The following CCDC171 variants were observed in gnomAD, a reference collection of about 807,000 sequenced individuals.
The protein encoded by CCDC171 is coiled-coil domain-containing protein 171.
In CCDC171, 177 loss-of-function variants were observed where a neutral mutation model predicts 168.2. The observed-to-expected ratio is 1.05, with a 90% CI of 0.93 to 1.19. The LOEUF is 1.19. Among genes scored for constraint, CCDC171 ranks in the 50% most tolerant of loss-of-function variants. The pLI, the probability that CCDC171 is intolerant of heterozygous loss-of-function variation, is 0.00. For synonymous variants in CCDC171, 687 were observed against 540.8 expected, an observed-to-expected ratio of 1.27 and a Z score of -3.75; for missense variants, 1,991 against 1,539.0, an observed-to-expected ratio of 1.29 and a Z score of -4.91.
At chr9:15,722,041 T>G (rs527273030) in intron 12 of CCDC171, among the ~76,000 whole-genome samples, 166 bp downstream of exon 12, 1 of 152,348 alleles carries the variant, frequency 6.6e-6, no homozygotes, top group East Asian at 1.9e-4. Context: ...AAGTGTGGCC[T>G]AAAGTCATGT....
chr9:15,797,169 C>A (rs149953589), intron 21 of CCDC171, among the ~76,000 whole-genome samples: 52 of 152,210 alleles, frequency 3.4e-4, no homozygotes, highest in African/African-American at 1.2e-3. Flanking sequence ...CTTAGTCATT[C>A]ATATATGTTC....
In CCDC171 at chr9:15,985,839, G is replaced by A. The variant is rs186896067; in HGVS notation, n.369-34750G>A. On this transcript the variant is annotated intron_variant and non_coding_transcript_variant, in intron 3 of 9. Coordinates refer to the CCDC171 transcript ENST00000486641. ...TTTGACAGACCCACCTGGAGCTTTG[G>A]AATTACTTGATACCATTCACCAAGA... is the stretch of plus-strand genomic sequence containing the variant. 4.4e-4 allele frequency among the ~76,000 whole-genome samples: 67 copies of A among 152,294 alleles called. No individual in the cohort carries two copies. The Middle Eastern group carries it at 0.01, about 23-fold the overall frequency.
chr9:15,913,683 T>C (rs1824052339), intron 24 of CCDC171, among the ~76,000 whole-genome samples: 1 of 152,194 alleles, frequency 6.6e-6, no homozygotes, highest in Non-Finnish European at 1.5e-5. Flanking sequence ...TTTTGTTTCC[T>C]TGCTGGCGAG....
intron 21 of CCDC171, among the ~76,000 whole-genome samples, chr9:15,795,422 A>G (rs2058501269): frequency 6.6e-6 from 1 of 152,182 alleles, no homozygotes. Flanking sequence ...CATTCAAACC[A>G]TAGCAAGTGG....
At chr9:15,874,752 T>C in intron 24 of CCDC171, 89 bp downstream of exon 24, 2 of 1,269,130 alleles carry the variant, frequency 1.6e-6, no homozygotes, top group Non-Finnish European at 2.1e-6. Flanking sequence ...CAAAGTATTG[T>C]GAATAATTTA....
chr9:15,829,196 A>T (rs1052743176), intron 21 of CCDC171, among the ~76,000 whole-genome samples: 2 of 152,224 alleles, frequency 1.3e-5, no homozygotes, highest in Non-Finnish European at 2.9e-5. Flanking sequence ...CTCAGGTAGT[A>T]AATGTTATAG....
chr9:15,944,840 C>A (rs200442166), intron 25 of CCDC171, among the ~76,000 whole-genome samples: 11 of 143,224 alleles, frequency 7.7e-5, no homozygotes, highest in African/African-American at 2.7e-4. Context: ...TTTCTTTTTT[C>A]TTTCTTTCTT....
chr9:15,976,199 C>G (rs1248345689), downstream of CCDC171, among the ~76,000 whole-genome samples: 1 of 151,998 alleles, frequency 6.6e-6, no homozygotes, highest in African/African-American at 2.4e-5. Flanking sequence ...GTCACAGCCA[C>G]CGAAGGAAAC....
At chr9:15,780,920 A>G (rs1173066141) in intron 20 of CCDC171, among the ~76,000 whole-genome samples, 4 of 152,160 alleles carry the variant, frequency 2.6e-5, no homozygotes, top group African/African-American at 9.7e-5. Context: ...TACTTTTAAA[A>G]ACGAATTCTT....
intron 6 of CCDC171, among the ~76,000 whole-genome samples, chr9:16,029,325 G>C (rs1833328992): frequency 6.8e-6 from 1 of 146,134 alleles, no homozygotes; most frequent in Non-Finnish European, 1.5e-5. Flanking sequence ...AGATGATTCA[G>C]ACATCTGTGA....
chr9:15,679,811 A>C (rs1417012719), intron 10 of CCDC171, among the ~76,000 whole-genome samples: 1 of 152,192 alleles, frequency 6.6e-6, no homozygotes, highest in Non-Finnish European at 1.5e-5. Flanking sequence ...GGCCTCCCAA[A>C]GTGCTGGGAT....
chr9:15,877,159 C>T (rs1817951923), intron 24 of CCDC171, among the ~76,000 whole-genome samples: 1 of 145,770 alleles, frequency 6.9e-6, no homozygotes, highest in Non-Finnish European at 1.5e-5. Flanking sequence ...TGCTAGCTTT[C>T]CCCTCCAACT....
intron 25 of CCDC171, among the ~76,000 whole-genome samples, chr9:15,965,821 C>G (rs931901424): frequency 5.3e-5 from 8 of 152,196 alleles, no homozygotes; most frequent in African/African-American, 1.9e-4. Flanking sequence ...TGTCAAGGAT[C>G]ACATAATTAG....
intron 1 of CCDC171, among the ~76,000 whole-genome samples, chr9:15,560,514 C>G (rs1435500788): frequency 6.6e-6 from 1 of 152,104 alleles, no homozygotes; most frequent in Non-Finnish European, 1.5e-5. Context: ...TCCACTTGAT[C>G]AAATCGGCTA....
chr9:15,848,813 A>G (rs2061006838), intron 22 of CCDC171, 80 bp from the exon 23 acceptor site: 4 of 693,474 alleles, frequency 5.8e-6, no homozygotes. Flanking sequence ...ATTTTTTAAT[A>G]CCAGTGACTT....
intron 1 of CCDC171, among the ~76,000 whole-genome samples, chr9:16,044,477 C>T (rs1247440025): frequency 8.3e-6 from 1 of 120,698 alleles, no homozygotes; most frequent in Non-Finnish European, 1.8e-5. Flanking sequence ...TGAAAAACCA[C>T]AGGAGAAAAA....
intron 7 of CCDC171, among the ~76,000 whole-genome samples, chr9:15,652,202 T>G (rs1289924352): frequency 2.0e-5 from 3 of 152,222 alleles, no homozygotes; most frequent in African/African-American, 4.8e-5. Context: ...CATTTAGAAT[T>G]TATTTTTTTA....
chr9:15,578,902 A>G lies in CCDC171; in HGVS notation c.231A>G (p.Gly77=), dbSNP rs1337447797. The G allele has an allele frequency of 3.1e-6, 5 of 1,613,824 alleles. No individual in the cohort carries two copies. The highest frequency in any genetic ancestry group is 2.7e-5 in the African/African-American group (2 of 74,908). The change falls in exon 4 of 26, where the codon GGA becomes GGG. Residue 77 remains glycine, a synonymous_variant. Coordinates refer to ENST00000380701, the MANE Select transcript of CCDC171 (RefSeq NM_173550.4). The part of the protein sequence containing the change: ...IAKLRSEVEK[G]EALRQSLEYD... ...AGCTACGGTCCGAGGTTGAAAAGGG[A>G]GAAGCATTGCGACAAAGTCTGGAAT...
At chr9:15,723,328 C>T (rs1358207734) in intron 12 of CCDC171, among the ~76,000 whole-genome samples, 2 of 152,006 alleles carry the variant, frequency 1.3e-5, no homozygotes, top group African/African-American at 4.8e-5. Flanking sequence ...TATAGATGCC[C>T]CTGCTTCTGG....
Sources: gnomAD v4.1 joint callset for allele counts (sites outside exome capture counted in the v4.1 genomes callset) on GRCh38, gnomAD v4.1.1 for gene constraint, MANE v1.5 for transcripts, NCBI Gene and HGNC (gene_info 2026-07-23, HGNC 2026-07-21) for gene names.